Variants in CPSF3 observed in about 807,000 individuals in gnomAD.
CPSF3 encodes the protein cleavage and polyadenylation specificity factor subunit 3.
A neutral mutation model predicts 84.1 loss-of-function variants in CPSF3; 57 were observed. The observed-to-expected ratio is 0.68, with a 90% CI of 0.55 to 0.85. The LOEUF is 0.85. CPSF3 is among the 40% of genes least tolerant of loss of function. The probability of loss-of-function intolerance (pLI) is 0.00; values close to 1 mark genes in which losing one functional copy is unlikely to be tolerated. For missense variants in CPSF3, 522 were observed against 838.8 expected (o/e 0.62, Z 4.66); for synonymous variants, 275 against 278.1 (o/e 0.99, Z 0.11).
chr2:9,455,263 G>C (rs1389118906), intron 12 of CPSF3, among the ~76,000 whole-genome samples: 1 of 152,068 alleles, frequency 6.6e-6, no homozygotes, highest in East Asian at 1.9e-4. Context: ...AGCCTCCCGA[G>C]TAGCTAGGAC....
chr2:9,464,778 G>A (rs1478348319), intron 15 of CPSF3, among the ~76,000 whole-genome samples: 1 of 151,966 alleles, frequency 6.6e-6, no homozygotes, highest in African/African-American at 2.4e-5. Flanking sequence ...TTTTTATAGA[G>A]ACAGGGTTTC....
rs1553348598 is a variant in CPSF3 at position 9,466,344 on chromosome 2, G to GCACA, written c.1787-1362_1787-1361insACAC. On this transcript the variant is annotated intron_variant, in intron 15 of 17. Transcript: ENST00000238112. ...CGCACACAGACGCACGCACACACGC[G>GCACA]CGCGCGCGCACACACACACGCACAC... is the stretch of plus-strand genomic sequence containing the variant. Among the ~76,000 whole-genome samples, 6 of 90,878 alleles carry GCACA rather than the reference G, an allele frequency of 6.6e-5. No homozygotes were observed. In the South Asian group the frequency reaches 2.8e-3, roughly 42 times the overall value. The allele number at this position is 90,878 out of a possible 152,430, so 59.6% of individuals were successfully genotyped here.
At chr2:9,466,342 G>GA (rs56758438) in intron 15 of CPSF3, among the ~76,000 whole-genome samples, 2 of 89,178 alleles carry the variant, frequency 2.2e-5, no homozygotes, top group Admixed American at 1.1e-4. Context: ...ACGCACACAC[G>GA]CGCGCGCGCG....
At chr2:9,445,644 G>A (rs1681103562) in intron 10 of CPSF3, among the ~76,000 whole-genome samples, 1 of 152,136 alleles carries the variant, frequency 6.6e-6, no homozygotes, top group Non-Finnish European at 1.5e-5. Flanking sequence ...TATTGTCTGT[G>A]TGCATGAACA....
chr2:9,428,141 T>C (rs79073734), intron 1 of CPSF3, among the ~76,000 whole-genome samples: 7 of 150,866 alleles, frequency 4.6e-5, no homozygotes, highest in African/African-American at 1.7e-4. Flanking sequence ...GGACTACAGG[T>C]GTCCGCCACC....
chr2:9,450,158 T>A (rs1487168708), intron 11 of CPSF3, among the ~76,000 whole-genome samples: 3 of 150,088 alleles, frequency 2.0e-5, no homozygotes, highest in African/African-American at 7.3e-5. Context: ...TTTTTTTTTT[T>A]TTTTTTTTTT....
chr2:9,425,949 ACTT>A (rs1386332171), intron 1 of CPSF3, among the ~76,000 whole-genome samples: 2 of 152,136 alleles, frequency 1.3e-5, no homozygotes, highest in African/African-American at 4.8e-5. Flanking sequence ...CCACTAATCT[ACTT>A]CTTTATAGAT....
At chr2:9,436,126 G>T in intron 6 of CPSF3, 85 bp from the exon 7 acceptor site, 1 of 1,150,880 alleles carries the variant, frequency 8.7e-7, no homozygotes, top group Non-Finnish European at 1.2e-6. Context: ...GAATTGCTTA[G>T]CCCCTCAGTA....
chr2:9,439,751 A>G (rs999264936), intron 7 of CPSF3, among the ~76,000 whole-genome samples: 1 of 152,074 alleles, frequency 6.6e-6, no homozygotes, highest in African/African-American at 2.4e-5. Flanking sequence ...CACTTTGGGA[A>G]GCTGGGCAGG....
intron 13 of CPSF3, 150 bp from the exon 14 acceptor site, chr2:9,456,783 C>T (rs558565188): frequency 6.0e-6 from 3 of 497,094 alleles, no homozygotes; most frequent in African/African-American, 5.9e-5. Flanking sequence ...CGTTGCTGTA[C>T]TTTGCTGTTT....
intron 16 of CPSF3, among the ~76,000 whole-genome samples, chr2:9,468,298 C>G (rs1463509125): frequency 2.0e-5 from 3 of 152,120 alleles, no homozygotes; most frequent in East Asian, 3.9e-4. Flanking sequence ...GTGGCATGAT[C>G]TTGGCTCATT....
intron 5 of CPSF3, 99 bp downstream of exon 5, chr2:9,432,787 A>G: frequency 1.1e-6 from 1 of 933,814 alleles, no homozygotes; most frequent in Admixed American, 3.7e-5. Flanking sequence ...AGACTTGCAA[A>G]GTGTCAGAAC....
At chr2:9,466,372 C>G (rs13409299) in intron 15 of CPSF3, among the ~76,000 whole-genome samples, 1 of 133,318 alleles carries the variant, frequency 7.5e-6, no homozygotes, top group African/African-American at 2.7e-5. Flanking sequence ...ACGCACACAC[C>G]CACGCACTCG....
intron 12 of CPSF3, 48 bp from the exon 13 acceptor site, chr2:9,455,611 T>C (rs749758753): frequency 4.5e-6 from 6 of 1,323,838 alleles, no homozygotes; most frequent in Non-Finnish European, 5.4e-6. Context: ...CTGGTATGTG[T>C]TTTGTAGGAC....
Position 9,456,958 on chromosome 2 carries a change from A to G in CPSF3, c.1629A>G (p.Gln543=), listed in dbSNP as rs769943243. 5 of 1,599,664 alleles carry G rather than the reference A, an allele frequency of 3.1e-6. No individual in the cohort carries two copies. The highest frequency in any genetic ancestry group is 1.1e-5 in the South Asian group (1 of 88,588). The change falls in exon 14 of 18, where the codon CAA becomes CAG. Residue 543 remains glutamine (Q), a synonymous_variant. Transcript: ENST00000238112. ...LTGDVEELEI[Q]EKPALKVFKN... ...GTGATGTGGAAGAATTAGAAATTCAAGAAAAACCTGCTCTGAAAGTGTTCA... is the reference window on the plus strand; with the variant it reads ...GTGATGTGGAAGAATTAGAAATTCAGGAAAAACCTGCTCTGAAAGTGTTCA...
At chr2:9,428,587 T>C (rs900030527) in intron 1 of CPSF3, among the ~76,000 whole-genome samples, 178 bp from the exon 2 acceptor site, 17 of 152,250 alleles carry the variant, frequency 1.1e-4, no homozygotes, top group African/African-American at 3.6e-4. Context: ...TCTGTTCTCA[T>C]GTGGACACTG....
chr2:9,424,067 G>GA (rs113168259), intron 1 of CPSF3: 387,074 of 1,162,948 alleles, frequency 0.33, 52,136 homozygotes, highest in Non-Finnish European at 0.36. Context: ...GTTGGAGTCG[G>GA]AAAAAAAAAA....
chr2:9,426,663 C>T lies in CPSF3; in HGVS notation c.51-2102C>T, dbSNP rs112191944. On this transcript the variant is annotated intron_variant, in intron 1 of 17. Coordinates refer to ENST00000238112, the MANE Select transcript of CPSF3 (RefSeq NM_016207.4). ...TGAATATGTGAAGGAAACAGGAAAG[C>T]CAGCAAGACAAGATGAGAGCATCAG... Among the ~76,000 whole-genome samples, 80 of 152,144 alleles carry T rather than the reference C, an allele frequency of 5.3e-4. No individual in the cohort carries two copies. The South Asian group carries it at 9.5e-3, about 18-fold the overall frequency.
Position 9,433,953 on chromosome 2 carries a change from T to A in CPSF3, c.602T>A (p.Leu201His). The A allele has an allele frequency of 6.4e-7, 1 of 1,554,972 alleles. No individual in the cohort carries two copies. The highest frequency in any genetic ancestry group is 8.9e-7 in the Non-Finnish European group (1 of 1,127,484). The change falls in exon 6 of 18, where the codon CTT becomes CAT. Residue 201 changes from leucine (L) to histidine (H), a missense_variant. Around this residue, in one of 2 missense-constraint regions of CPSF3, gnomAD observed 329 missense variants for 607.2 expected, o/e 0.54. Coordinates refer to ENST00000238112, the MANE Select transcript of CPSF3 (RefSeq NM_016207.4). The part of the protein sequence containing the change: ...AEIPNIKPDI[L>H]IIESTYGTHI... Reference sequence around the variant, plus strand: ...ATTCCTAATATTAAGCCTGATATTCTTATCATTGTAAGTATTAATATACTA... The same window carrying A: ...ATTCCTAATATTAAGCCTGATATTCATATCATTGTAAGTATTAATATACTA...
Sources: allele counts gnomAD v4.1 joint callset (sites outside exome capture counted in the v4.1 genomes callset), GRCh38; gene constraint gnomAD v4.1.1; regional missense constraint gnomAD v4.1.1; transcripts MANE v1.5; gene names NCBI Gene and HGNC (gene_info 2026-07-23, HGNC 2026-07-21).